Variants in CPLANE1 observed in about 807,000 individuals in gnomAD.
CPLANE1 encodes ciliogenesis and planar polarity effector 1.
In CPLANE1, 263 loss-of-function variants were observed where a neutral mutation model predicts 362.5. The ratio of observed to expected loss-of-function variants is 0.73; its 90% confidence interval spans 0.66 to 0.80. CPLANE1 has a LOEUF of 0.80. Among genes scored for constraint, CPLANE1 ranks in the 30% least tolerant of loss-of-function variants. CPLANE1 has a pLI of 0.00. For missense variants in CPLANE1, 3,461 were observed against 3,793.4 expected, an observed-to-expected ratio of 0.91 and a Z score of 2.30; for synonymous variants, 1,212 against 1,302.6, an observed-to-expected ratio of 0.93 and a Z score of 1.50.
chr5:37,076,149 A>G, the CPLANE1 span, among the ~76,000 whole-genome samples: 1 of 151,850 alleles, frequency 6.6e-6, no homozygotes, highest in Non-Finnish European at 1.5e-5. Flanking sequence ...CCAGCTACTC[A>G]GGAGGCCAAG....
In CPLANE1 at chr5:37,141,792, C is replaced by T. The variant is rs148586830; in HGVS notation, c.8632+518G>A. On this transcript the variant is annotated intron_variant, in intron 44 of 52. Transcript: ENST00000651892. ...TAAAGAATAACAGTTTTAATTGCTA[C>T]CTCCAAATGAAATAAAACAAAAAGT... The T allele has an allele frequency of 3.0e-4, 298 of 979,426 alleles. 1 individual carries two copies. In the African/African-American group the frequency reaches 4.7e-3, roughly 15 times the overall value. 60.7% of individuals were successfully genotyped at this position (979,426 alleles called of 1,614,324 possible). A position where few individuals can be genotyped will look rare whatever the true frequency, so the allele number is the denominator to read the frequency against.
chr5:37,215,072 A>G (rs1261162493), intron 15 of CPLANE1, among the ~76,000 whole-genome samples: 1 of 152,108 alleles, frequency 6.6e-6, no homozygotes, highest in African/African-American at 2.4e-5. Flanking sequence ...TTTTTGAGAC[A>G]GAGTTTCACT....
At chr5:37,107,900 AG>A (rs754808118) in intron 52 of CPLANE1, 122 bp from the exon 53 acceptor site, 193 of 1,416,818 alleles carry the variant, frequency 1.4e-4, no homozygotes, top group Non-Finnish European at 1.7e-4. Flanking sequence ...ATCCATCAAA[AG>A]GCTGAAGGAA....
chr5:37,171,677 A>G (rs1357246360), intron 32 of CPLANE1, among the ~76,000 whole-genome samples: 3 of 152,160 alleles, frequency 2.0e-5, no homozygotes, highest in African/African-American at 7.2e-5. Context: ...TAAAATAAAT[A>G]TCATTCATAA....
chr5:37,173,537 T>A (rs1780363073), intron 32 of CPLANE1, among the ~76,000 whole-genome samples: 1 of 152,188 alleles, frequency 6.6e-6, no homozygotes, highest in East Asian at 1.9e-4. Flanking sequence ...ACTCCTGGCC[T>A]CAAGCAATCC....
At chr5:37,232,796 C>T (rs1400279227) in intron 8 of CPLANE1, among the ~76,000 whole-genome samples, 34 of 144,290 alleles carry the variant, frequency 2.4e-4, no homozygotes, top group African/African-American at 6.1e-4. Flanking sequence ...GCTATGATCA[C>T]GCCATTGCAC....
the CPLANE1 span, among the ~76,000 whole-genome samples, chr5:37,088,382 T>C: frequency 6.6e-6 from 1 of 152,168 alleles, no homozygotes; most frequent in Non-Finnish European, 1.5e-5. Flanking sequence ...AAATATTGGC[T>C]ATGGCATTAA....
rs747635859 is a variant in CPLANE1 at position 37,201,695 on chromosome 5, C to A, written c.3403G>T (p.Asp1135Tyr). ...ILSETFQLLIDSAKDFSKRLW... is the reference protein window; with the variant it reads ...ILSETFQLLIYSAKDFSKRLW... ...CTTTTACTGAAGTCCTTGGCAGAGT[C>A]TATCAGAAGTTGAAATGTCTCCGAA... is the stretch of plus-strand genomic sequence containing the variant. Residue 1135 changes from aspartate to tyrosine, a missense_variant, in exon 19 of 53, where the codon GAC (aspartate) becomes TAC (tyrosine). By Grantham distance (160) the Asp-to-Tyr change is radical. Coordinates refer to ENST00000651892, the MANE Select transcript of CPLANE1 (RefSeq NM_001384732.1). 6.8e-6 allele frequency: 11 copies of A among 1,614,008 alleles called. No homozygotes were observed. The highest frequency in any genetic ancestry group is 4.0e-5 in the African/African-American group (3 of 74,940).
chr5:37,100,424 T>A, the CPLANE1 span, among the ~76,000 whole-genome samples: 1 of 152,158 alleles, frequency 6.6e-6, no homozygotes, highest in African/African-American at 2.4e-5. Flanking sequence ...GTTATAGCTA[T>A]GTGGTCTTAT....
At chr5:37,090,668 G>C in the CPLANE1 span, among the ~76,000 whole-genome samples, 1 of 152,162 alleles carries the variant, frequency 6.6e-6, no homozygotes, top group Non-Finnish European at 1.5e-5. Context: ...TGGAAAAGCA[G>C]CAGTCTGGTA....
In CPLANE1 at chr5:37,245,513, A is replaced by G. The variant is rs1340175233; in HGVS notation, c.303T>C (p.Thr101=). ...DQDCLKTIPI[T]EKPKEMIKAT... ...CTTTGATCATTTCCTTAGGCTTTTCAGTTATTGGTATAGTTTTCAAACAAT... is the reference window on the plus strand; with the variant it reads ...CTTTGATCATTTCCTTAGGCTTTTCGGTTATTGGTATAGTTTTCAAACAAT... Residue 101 remains threonine (T), a synonymous_variant, in exon 4 of 53, where the codon ACT becomes ACC. Coordinates refer to ENST00000651892, the MANE Select transcript of CPLANE1 (RefSeq NM_001384732.1). The G allele has an allele frequency of 6.0e-6, 9 of 1,500,516 alleles. No homozygotes were observed. Among genetic ancestry groups the G allele is most frequent in the Non-Finnish European group, 8.0e-6 (9 of 1,120,940 alleles). 93.0% of individuals were successfully genotyped at this position (1,500,516 alleles called of 1,614,324 possible).
intron 44 of CPLANE1, 77 bp from the exon 45 acceptor site, chr5:37,139,447 A>G: frequency 9.2e-7 from 1 of 1,087,256 alleles, no homozygotes. Context: ...TAGAAATTAT[A>G]TAACCAGAAA....
chr5:37,099,608 T>C, the CPLANE1 span, among the ~76,000 whole-genome samples: 1 of 152,188 alleles, frequency 6.6e-6, no homozygotes, highest in Non-Finnish European at 1.5e-5. Context: ...AACATATGCA[T>C]GCATTATCTT....
At chr5:37,190,963 T>C (rs1348908057) in intron 21 of CPLANE1, among the ~76,000 whole-genome samples, 1 of 152,228 alleles carries the variant, frequency 6.6e-6, no homozygotes, top group Non-Finnish European at 1.5e-5. Flanking sequence ...ATCGTTATTT[T>C]AGCGTATACT....
chr5:37,213,168 A>G (rs573252439), intron 16 of CPLANE1, among the ~76,000 whole-genome samples: 13 of 152,348 alleles, frequency 8.5e-5, no homozygotes, highest in African/African-American at 2.4e-4. Flanking sequence ...AGATCACACC[A>G]TTGCACTCCA....
At chr5:37,212,844 G>T (rs1241397201) in intron 16 of CPLANE1, among the ~76,000 whole-genome samples, 20 of 152,230 alleles carry the variant, frequency 1.3e-4, no homozygotes, top group Non-Finnish European at 5.9e-5. Flanking sequence ...AATGAAGGTG[G>T]CAGCTCTTTC....
chr5:37,187,922 A>T (rs1410724183), intron 21 of CPLANE1, 80 bp from the exon 22 acceptor site: 1 of 909,778 alleles, frequency 1.1e-6, no homozygotes, highest in East Asian at 2.7e-5. Context: ...TCTGCTGATC[A>T]TTTTTTTCAA....
chr5:37,162,404 T>C (rs1007475082), intron 38 of CPLANE1, 61 bp downstream of exon 38: 2 of 1,018,744 alleles, frequency 2.0e-6, no homozygotes, highest in Admixed American at 2.0e-5. Flanking sequence ...AAAGGAAAAG[T>C]CTAGATAACT....
At chr5:37,101,900 A>C (rs1454332771), downstream of CPLANE1, among the ~76,000 whole-genome samples, 2 of 151,802 alleles carry the variant, frequency 1.3e-5, no homozygotes, top group African/African-American at 2.4e-5. Flanking sequence ...AGGTGTTTAT[A>C]GTATTCTCTG....
Sources: gnomAD v4.1 joint callset for allele counts (sites outside exome capture counted in the v4.1 genomes callset) on GRCh38, gnomAD v4.1.1 for gene constraint, MANE v1.5 for transcripts, NCBI Gene and HGNC (gene_info 2026-07-23, HGNC 2026-07-21) for gene names.